Variants in FARS2 observed in about 807,000 individuals in gnomAD.
The protein encoded by FARS2 is phenylalanine--tRNA ligase, mitochondrial.
FARS2 carries 40 observed loss-of-function variants against 46.4 expected under a neutral mutation model. That is an observed-to-expected ratio of 0.86 (90% CI 0.67 to 1.12). The LOEUF is 1.12. Among genes scored for constraint, FARS2 ranks in the 50% most tolerant of loss-of-function variants. The pLI is 0.00. For missense variants in FARS2, 513 were observed against 567.9 expected, an observed-to-expected ratio of 0.90 and a Z score of 0.98; for synonymous variants, 234 against 214.9, an observed-to-expected ratio of 1.09 and a Z score of -0.78.
At chr6:5,651,036 T>G (rs1259230907) in intron 6 of FARS2, among the ~76,000 whole-genome samples, 1 of 152,224 alleles carries the variant, frequency 6.6e-6, no homozygotes, top group Admixed American at 6.5e-5. Flanking sequence ...AGCTTTAACC[T>G]CAGTTGCCTC....
chr6:5,749,237 G>C (rs562807367), intron 6 of FARS2, among the ~76,000 whole-genome samples: 1 of 152,364 alleles, frequency 6.6e-6, no homozygotes, highest in Admixed American at 6.5e-5. Flanking sequence ...AGGGCTGTGG[G>C]GCTCCAGCTG....
intron 4 of FARS2, among the ~76,000 whole-genome samples, chr6:5,507,451 T>C (rs1263367047): frequency 1.3e-5 from 2 of 152,210 alleles, no homozygotes; most frequent in South Asian, 4.1e-4. Context: ...GTTTGAAGCA[T>C]GTTTCTTTTC....
chr6:5,330,414 T>C (rs1426976260), intron 1 of FARS2, among the ~76,000 whole-genome samples: 2 of 152,174 alleles, frequency 1.3e-5, no homozygotes, highest in Non-Finnish European at 2.9e-5. Context: ...CTCAGTGTTA[T>C]GTATCCCAAG....
At chr6:5,597,009 A>C (rs1381121865) in intron 5 of FARS2, among the ~76,000 whole-genome samples, 1 of 152,168 alleles carries the variant, frequency 6.6e-6, no homozygotes, top group African/African-American at 2.4e-5. Flanking sequence ...TGAGGTGCTG[A>C]GCACCCGCTT....
At chr6:5,511,151 T>C (rs562913947) in intron 4 of FARS2, among the ~76,000 whole-genome samples, 2 of 152,156 alleles carry the variant, frequency 1.3e-5, no homozygotes, top group East Asian at 3.9e-4. Flanking sequence ...ACATGAATGG[T>C]AGAGGGACAG....
intron 5 of FARS2, among the ~76,000 whole-genome samples, chr6:5,567,063 A>C (rs1561718237): frequency 6.6e-6 from 1 of 152,256 alleles, no homozygotes; most frequent in Non-Finnish European, 1.5e-5. Flanking sequence ...TACAGTCTAT[A>C]GTCTAAAACA....
At chr6:5,650,350 T>A (rs1311459524) in intron 6 of FARS2, among the ~76,000 whole-genome samples, 1 of 150,708 alleles carries the variant, frequency 6.6e-6, no homozygotes, top group Admixed American at 6.7e-5. Flanking sequence ...GAGAGATATA[T>A]GCACAGAACA....
chr6:5,674,614 GT>G (rs202091029), intron 6 of FARS2, among the ~76,000 whole-genome samples: 3 of 151,866 alleles, frequency 2.0e-5, no homozygotes, highest in African/African-American at 7.3e-5. Flanking sequence ...ATTCAAATTT[GT>G]TTTTTTTCAC....
chr6:5,512,872 A>G (rs962931390), intron 4 of FARS2, among the ~76,000 whole-genome samples: 3 of 152,266 alleles, frequency 2.0e-5, no homozygotes, highest in Non-Finnish European at 1.5e-5. Flanking sequence ...TCATTATGGC[A>G]GAAGCACAGG....
At chr6:5,278,189 A>G (rs1383996752) in intron 1 of FARS2, among the ~76,000 whole-genome samples, 1 of 152,164 alleles carries the variant, frequency 6.6e-6, no homozygotes, top group South Asian at 2.1e-4. Flanking sequence ...TCTGTGAGTA[A>G]ATGACCTTTT....
At chr6:5,259,578 T>A (rs1013485234), upstream of FARS2, among the ~76,000 whole-genome samples, 1 of 152,166 alleles carries the variant, frequency 6.6e-6, no homozygotes, top group Non-Finnish European at 1.5e-5. Flanking sequence ...ACAGAGGTTG[T>A]ACTGGGCAGA....
intron 6 of FARS2, among the ~76,000 whole-genome samples, chr6:5,731,988 C>T (rs116506493): frequency 0.016 from 2,408 of 152,326 alleles, 82 homozygotes; most frequent in African/African-American, 0.056. Flanking sequence ...CACTCTCTGC[C>T]TCCCTATCTC....
At chr6:5,689,503 G>A (rs1243165006) in intron 6 of FARS2, among the ~76,000 whole-genome samples, 11 of 152,162 alleles carry the variant, frequency 7.2e-5, no homozygotes, top group Non-Finnish European at 8.8e-5. Context: ...ATGTAGTTGA[G>A]CGGTTTTGAG....
At chr6:5,591,466 T>G (rs796810092) in intron 5 of FARS2, among the ~76,000 whole-genome samples, 96 of 152,380 alleles carry the variant, frequency 6.3e-4, no homozygotes, top group African/African-American at 2.2e-3. Flanking sequence ...AAGACGTGAC[T>G]TCTGCTCTCA....
chr6:5,690,203 G>A (rs9392087), intron 6 of FARS2, among the ~76,000 whole-genome samples: 57,657 of 151,804 alleles, frequency 0.38, 12,655 homozygotes, highest in Non-Finnish European at 0.49. Context: ...TTACATTTAA[G>A]GTTAATATTG....
chr6:5,720,401 TTGA>T (rs1464664626), intron 6 of FARS2, among the ~76,000 whole-genome samples: 2 of 152,094 alleles, frequency 1.3e-5, no homozygotes, highest in Non-Finnish European at 2.9e-5. Flanking sequence ...CAGATGTTAA[TTGA>T]TCAGTTTTCC....
chr6:5,765,995 C>T lies in FARS2; in HGVS notation c.1218-5296C>T, dbSNP rs1436662055. Among the ~76,000 whole-genome samples, 1 of 152,242 alleles carries T rather than the reference C, an allele frequency of 6.6e-6. No homozygotes were observed. Among genetic ancestry groups the T allele is most frequent in the African/African-American group, 2.4e-5 (1 of 41,460 alleles). The stretch of plus-strand genomic sequence containing the variant: ...ATCAAACTCTATCCAGTGACCAACT[C>T]ATTTTAGCCAATACCCCAATGCAAT... On this transcript the variant is annotated intron_variant, in intron 6 of 6. Coordinates refer to ENST00000274680, the MANE Select transcript of FARS2 (RefSeq NM_006567.5). This position sits in a 1 kb window ranked among gnomAD's most constrained non-coding sequence, Gnocchi z 4.0.
rs1757034319 is a variant in FARS2 at position 5,343,605 on chromosome 6, T to C, written c.-21-24945T>C. On this transcript the variant is annotated intron_variant, in intron 1 of 6. Coordinates refer to ENST00000274680, the MANE Select transcript of FARS2 (RefSeq NM_006567.5). The surrounding 1 kb of genome is among the most constrained non-coding windows in gnomAD (Gnocchi z 4.5). The stretch of plus-strand genomic sequence containing the variant: ...ATTTTATAACTAGAAATTGTACACA[T>C]TTTTAGTTCTTTGGAACATGTAAAC... Among the ~76,000 whole-genome samples the C allele has an allele frequency of 6.6e-6, 1 of 152,192 alleles. No homozygotes were observed.
intron 6 of FARS2, among the ~76,000 whole-genome samples, chr6:5,690,268 A>T (rs867331212): frequency 2.6e-5 from 4 of 152,292 alleles, no homozygotes; most frequent in South Asian, 2.1e-4. Context: ...TGTGCTCGTT[A>T]GTTGATGCCG....
Sources: allele counts gnomAD v4.1 joint callset (sites outside exome capture counted in the v4.1 genomes callset), GRCh38; gene constraint gnomAD v4.1.1; non-coding constraint Gnocchi (gnomAD v3.1); transcripts MANE v1.5; gene names NCBI Gene and HGNC (gene_info 2026-07-23, HGNC 2026-07-21).